Variants in MELK observed in about 807,000 individuals in gnomAD.
The protein encoded by MELK is pEg3 kinase.
Under a neutral mutation model 85.0 loss-of-function variants are expected in MELK, and 81 were observed. The ratio of observed to expected loss-of-function variants is 0.95; its 90% CI spans 0.80 to 1.15. The LOEUF is 1.15. Among genes scored for constraint, MELK ranks in the 50% most tolerant of loss-of-function variants. MELK has a pLI of 0.00. For missense variants in MELK, 754 were observed against 777.5 expected, an observed-to-expected ratio of 0.97 and a Z score of 0.36; for synonymous variants, 252 against 265.0, an observed-to-expected ratio of 0.95 and a Z score of 0.48.
At chr9:36,625,134 G>C (rs1264600849) in intron 8 of MELK, among the ~76,000 whole-genome samples, 1 of 152,120 alleles carries the variant, frequency 6.6e-6, no homozygotes, top group Non-Finnish European at 1.5e-5. Flanking sequence ...GCAAACAGCA[G>C]AGGGAAGACC....
chr9:36,661,983 C>G (rs1564221973), intron 13 of MELK, among the ~76,000 whole-genome samples: 1 of 150,910 alleles, frequency 6.6e-6, no homozygotes, highest in Non-Finnish European at 1.5e-5. Context: ...AAAAACATAG[C>G]TAGATTTGGT....
At chr9:36,584,652 A>G (rs948833608) in intron 3 of MELK, among the ~76,000 whole-genome samples, 2 of 150,734 alleles carry the variant, frequency 1.3e-5, no homozygotes, top group South Asian at 2.1e-4. Flanking sequence ...TTTTCTTATG[A>G]TACTCTTACT....
At chr9:36,594,231 C>T (rs903834174) in intron 4 of MELK, among the ~76,000 whole-genome samples, 13 of 152,188 alleles carry the variant, frequency 8.5e-5, no homozygotes, top group East Asian at 1.9e-4. Flanking sequence ...TTGAAAACCA[C>T]TGGTCTTTGG....
rs539695555 is a variant in MELK, at chr9:36,624,133, G to A, written c.667-6166G>A. On this transcript the variant is annotated intron_variant, in intron 8 of 17. Transcript: ENST00000298048. ...GAGTCTCGCTCTGTCGCCCAGGCTGGAGTGCAGTGGCGTGATCTCGGCTCA... is the reference window on the plus strand; with the variant it reads ...GAGTCTCGCTCTGTCGCCCAGGCTGAAGTGCAGTGGCGTGATCTCGGCTCA... Among the ~76,000 whole-genome samples, 5 of 150,360 alleles carry A rather than the reference G, an allele frequency of 3.3e-5. No homozygotes were observed. In the East Asian group the frequency reaches 7.8e-4, roughly 23 times the overall value.
intron 13 of MELK, among the ~76,000 whole-genome samples, chr9:36,663,245 T>C (rs531833090): frequency 1.1e-4 from 17 of 152,194 alleles, no homozygotes; most frequent in Middle Eastern, 3.4e-3. Flanking sequence ...CATGCCCAGC[T>C]AATTTTTGTA....
intron 8 of MELK, among the ~76,000 whole-genome samples, chr9:36,621,997 A>G (rs1397276834): frequency 6.6e-6 from 1 of 152,184 alleles, no homozygotes; most frequent in Non-Finnish European, 1.5e-5. Flanking sequence ...TTTTTGAAAA[A>G]TCAAATATCT....
At chr9:36,671,281 C>G in intron 16 of MELK, 115 bp downstream of exon 16, 1 of 1,170,792 alleles carries the variant, frequency 8.5e-7, no homozygotes, top group Non-Finnish European at 1.1e-6. Context: ...TATTTATTCA[C>G]TTAGTTAATA....
At chr9:36,636,734 TTCTTTCTTTC>T (rs1263715814) in intron 10 of MELK, among the ~76,000 whole-genome samples, 3 of 56,786 alleles carry the variant, frequency 5.3e-5, no homozygotes, top group Non-Finnish European at 1.1e-4. Flanking sequence ...CTGGATTTCT[TTCTTTCTTTC>T]TTTCTTTCTT....
intron 12 of MELK, among the ~76,000 whole-genome samples, chr9:36,656,547 A>G (rs1419117083): frequency 1.3e-5 from 2 of 152,150 alleles, no homozygotes; most frequent in Non-Finnish European, 2.9e-5. Context: ...TTTGTGCTGC[A>G]TAAAGACAAC....
At chr9:36,658,912 C>T (rs1218916302) in intron 13 of MELK, among the ~76,000 whole-genome samples, 21 of 140,276 alleles carry the variant, frequency 1.5e-4, no homozygotes, top group Admixed American at 5.2e-4. Flanking sequence ...GACAGAGTCT[C>T]GCTCTGTCAC....
intron 12 of MELK, among the ~76,000 whole-genome samples, 159 bp downstream of exon 12, chr9:36,652,036 A>G (rs1830755678): frequency 1.6e-5 from 2 of 124,522 alleles, no homozygotes; most frequent in African/African-American, 5.9e-5. Context: ...CTGAAGTTGA[A>G]CTCTAATTTT....
chr9:36,605,000 G>A (rs1825344224), intron 7 of MELK, among the ~76,000 whole-genome samples: 1 of 151,974 alleles, frequency 6.6e-6, no homozygotes, highest in African/African-American at 2.4e-5. Flanking sequence ...CCAGGCTGGA[G>A]TGCAATGGCC....
rs1400337198 is a variant in MELK, at chr9:36,671,087, G to A, written c.1595G>A (p.Arg532Lys). The A allele has an allele frequency of 5.0e-6, 8 of 1,613,334 alleles. No homozygotes were observed. Among genetic ancestry groups the A allele is most frequent in the Non-Finnish European group, 5.9e-6 (7 of 1,179,644 alleles). The stretch of plus-strand genomic sequence containing the variant: ...GCCAAAGTGTTTGGGAGCCTTGAAA[G>A]GGGGTTGGATAAGGTTATCACTGTG... ...KGAKVFGSLERGLDKVITVLT... is the reference protein window; with the variant it reads ...KGAKVFGSLEKGLDKVITVLT... Residue 532 changes from arginine to lysine, a missense_variant, in exon 16 of 18, where the codon AGG becomes AAG. Transcript: ENST00000298048.
chr9:36,606,073 G>A (rs1003258555), intron 7 of MELK, among the ~76,000 whole-genome samples: 1 of 151,762 alleles, frequency 6.6e-6, no homozygotes, highest in African/African-American at 2.4e-5. Context: ...AATAGTTACT[G>A]CTTAGGACTC....
intron 10 of MELK, among the ~76,000 whole-genome samples, chr9:36,636,781 T>TG (rs763545779): frequency 0.026 from 3,475 of 134,762 alleles, 51 homozygotes; most frequent in African/African-American, 0.049. Context: ...TCTTTCTTTC[T>TG]TTCTGTCTGT....
chr9:36,651,760 C>T lies in MELK; in HGVS notation c.936C>T (p.His312=). 6.2e-7 allele frequency: 1 copy of T among 1,613,962 alleles called. No individual in the cohort carries two copies. The highest frequency in any genetic ancestry group is 1.1e-5 in the South Asian group (1 of 91,052). ...EDLISLWQYD[H]LTATYLLLLA... ...TTTTCCTTTAGTGGCAGTATGATCA[C>T]CTCACGGCTACCTATCTTCTGCTTC... Residue 312 remains histidine, a synonymous_variant, in exon 12 of 18, where the codon CAC becomes CAT. Coordinates refer to ENST00000298048, the MANE Select transcript of MELK (RefSeq NM_014791.4).
intron 10 of MELK, among the ~76,000 whole-genome samples, chr9:36,638,018 C>T (rs963266324): frequency 2.0e-5 from 3 of 152,118 alleles, no homozygotes; most frequent in Non-Finnish European, 4.4e-5. Flanking sequence ...TGATGTGCCC[C>T]TTGTGAGGTG....
intron 16 of MELK, among the ~76,000 whole-genome samples, chr9:36,672,720 T>G (rs1436933181): frequency 6.6e-6 from 1 of 152,210 alleles, no homozygotes; most frequent in Non-Finnish European, 1.5e-5. Flanking sequence ...ACGGCTGAGA[T>G]GTAGAAACAA....
intron 3 of MELK, among the ~76,000 whole-genome samples, chr9:36,587,862 G>A (rs1823097590): frequency 6.6e-6 from 1 of 151,416 alleles, no homozygotes; most frequent in African/African-American, 2.4e-5. Context: ...CCAGGTTCAA[G>A]TGATTCTCCT....
Sources: gnomAD v4.1 joint callset for allele counts (sites outside exome capture counted in the v4.1 genomes callset) on GRCh38, gnomAD v4.1.1 for gene constraint, MANE v1.5 for transcripts, NCBI Gene and HGNC (gene_info 2026-07-23, HGNC 2026-07-21) for gene names.